Variants in CXXC5 observed in about 807,000 individuals in gnomAD.
CXXC5 encodes the protein CXXC-type zinc finger protein 5.
CXXC5 carries 2 observed loss-of-function variants against 17.6 expected under a neutral mutation model. The observed-to-expected ratio is 0.11, with a 90% CI of 0.05 to 0.36. CXXC5 has a LOEUF of 0.36. Ranked by LOEUF, CXXC5 falls within the 10% of genes least tolerant of loss-of-function variation. CXXC5 has a pLI of 1.00. For synonymous variants in CXXC5, 171 were observed against 193.0 expected (o/e 0.89, Z 0.94); for missense variants, 343 against 458.3 (o/e 0.75, Z 2.30).
intron 1 of CXXC5, among the ~76,000 whole-genome samples, chr5:139,669,776 G>C (rs1039445964): frequency 6.6e-6 from 1 of 152,088 alleles, no homozygotes; most frequent in East Asian, 1.9e-4. Context: ...CAGGCTCTGC[G>C]TGCTTCTCAC....
intron 1 of CXXC5, among the ~76,000 whole-genome samples, chr5:139,669,765 G>T (rs2126789961): frequency 6.6e-6 from 1 of 152,156 alleles, no homozygotes; most frequent in African/African-American, 2.4e-5. Flanking sequence ...ACACACAATG[G>T]CAGGCTCTGC....
chr5:139,673,400 G>C (rs535177977), intron 1 of CXXC5, among the ~76,000 whole-genome samples: 2 of 152,260 alleles, frequency 1.3e-5, no homozygotes, highest in East Asian at 3.9e-4. Flanking sequence ...GCCTATTGAG[G>C]AAAGGGCCTG....
intron 1 of CXXC5, among the ~76,000 whole-genome samples, chr5:139,660,024 G>C (rs980267574): frequency 1.3e-5 from 2 of 152,210 alleles, no homozygotes; most frequent in Admixed American, 6.5e-5. Flanking sequence ...GGGGCTGGGG[G>C]AAGCAGCCGG....
chr5:139,679,154 C>T (rs767163330), intron 1 of CXXC5, among the ~76,000 whole-genome samples: 41 of 152,248 alleles, frequency 2.7e-4, no homozygotes, highest in Non-Finnish European at 4.7e-4. Context: ...CTCCTGGCAA[C>T]AGCCCACCCC....
rs893441081 is a variant in CXXC5, at chr5:139,670,505, A to G, written c.-160-9859A>G. On this transcript the variant is annotated intron_variant, in intron 1 of 2. Coordinates refer to ENST00000302517, the MANE Select transcript of CXXC5 (RefSeq NM_016463.9). The surrounding 1 kb of genome is among the most constrained non-coding windows in gnomAD (Gnocchi z 4.2). ...GCAGCTGGCACCAGTTCCTGTCTAC[A>G]CCATCCCCGTCCCAGTAGGGCCCCA... Among the ~76,000 whole-genome samples, 31 of 152,134 alleles carry G rather than the reference A, an allele frequency of 2.0e-4. No individual in the cohort carries two copies. The highest frequency in any genetic ancestry group is 4.3e-4 in the Non-Finnish European group (29 of 68,032).
intron 1 of CXXC5, among the ~76,000 whole-genome samples, chr5:139,664,306 C>T (rs1003362822): frequency 2.6e-5 from 4 of 152,124 alleles, no homozygotes; most frequent in East Asian, 1.9e-4. Flanking sequence ...GAAGCTGCCT[C>T]GGGGCCTGGT....
At chr5:139,664,041 A>G (rs1755964037) in intron 1 of CXXC5, among the ~76,000 whole-genome samples, 1 of 152,066 alleles carries the variant, frequency 6.6e-6, no homozygotes, top group Non-Finnish European at 1.5e-5. Context: ...TACACACAAG[A>G]TGTGTAGTGT....
At chr5:139,673,852 A>AAG (rs572534074) in intron 1 of CXXC5, among the ~76,000 whole-genome samples, 1 of 67,604 alleles carries the variant, frequency 1.5e-5, no homozygotes, top group Admixed American at 1.3e-4. Flanking sequence ...AAAAAAAAAA[A>AAG]AAAGAGAGAG....
chr5:139,660,775 C>T (rs1287639062), intron 1 of CXXC5, among the ~76,000 whole-genome samples: 4 of 149,492 alleles, frequency 2.7e-5, no homozygotes, highest in Admixed American at 6.7e-5. Flanking sequence ...AGAGCCAGGG[C>T]GCCTCTGGGA....
rs1448012068 is a variant in CXXC5, at chr5:139,668,237, G to T, written c.-160-12127G>T. ...GGACAAACTTTGAAAGCCTCTAATT[G>T]CTGCGCCTGGTGGCACCGTGGAATG... On this transcript the variant is annotated intron_variant, in intron 1 of 2. Transcript: ENST00000302517. This position sits in a 1 kb window ranked among gnomAD's most constrained non-coding sequence, Gnocchi z 4.1. Among the ~76,000 whole-genome samples, 1 of 152,106 alleles carries T rather than the reference G, an allele frequency of 6.6e-6. No individual in the cohort carries two copies. Among genetic ancestry groups the T allele is most frequent in the Non-Finnish European group, 1.5e-5 (1 of 68,018 alleles).
At position 139,681,339 on chromosome 5, in the gene CXXC5, C is replaced by T. The variant is rs778054233; in HGVS notation, c.816C>T (p.Arg272=). Residue 272 remains arginine (R), a synonymous_variant, in exon 2 of 3, where the codon CGC becomes CGT. Coordinates refer to ENST00000302517, the MANE Select transcript of CXXC5 (RefSeq NM_016463.9). ...RCGMCAPCRR[R]INCEQCSSCR... ...GCATGTGCGCGCCCTGCCGGCGGCG[C>T]ATCAACTGCGAGCAGTGCAGCAGTT... 11 of 1,612,378 alleles carry T rather than the reference C, an allele frequency of 6.8e-6. No individual in the cohort carries two copies. The highest frequency in any genetic ancestry group is 1.3e-5 in the African/African-American group (1 of 74,942).
At position 139,661,829 on chromosome 5, in the gene CXXC5, GT is replaced by G. The variant is rs1561537059; in HGVS notation, c.-161+12990del. Among the ~76,000 whole-genome samples the G allele has an allele frequency of 6.6e-6, 1 of 152,374 alleles. No homozygotes were observed. The highest frequency in any genetic ancestry group is 6.5e-5 in the Admixed American group (1 of 15,308). ...AGGTGTGGGTGGGGAAGTGGAGATG[GT>G]TTTTTCCCATAGCCAACCTGGCTCT... On this transcript the variant is annotated intron_variant, in intron 1 of 2. Transcript: ENST00000302517. The surrounding 1 kb of genome is among the most constrained non-coding windows in gnomAD (Gnocchi z 4.7).
At chr5:139,654,196 C>A (rs1446261580) in intron 1 of CXXC5, among the ~76,000 whole-genome samples, 3 of 152,072 alleles carry the variant, frequency 2.0e-5, no homozygotes, top group Non-Finnish European at 2.9e-5. Flanking sequence ...TTGTTTTTGA[C>A]CTTTTCTGGG....
chr5:139,649,388 T>G (rs1462149384), intron 1 of CXXC5: 3 of 151,798 alleles, frequency 2.0e-5, no homozygotes, highest in Non-Finnish European at 2.9e-5. Context: ...TGTAGATCTC[T>G]GGCGCGCACT....
chr5:139,665,540 T>C (rs561770913), intron 1 of CXXC5: 11 of 152,448 alleles, frequency 7.2e-5, no homozygotes, highest in African/African-American at 2.6e-4. Flanking sequence ...CCCAGGGCTG[T>C]TATGGCCACC....
chr5:139,662,938 T>A (rs543571278), intron 1 of CXXC5, among the ~76,000 whole-genome samples: 1 of 152,358 alleles, frequency 6.6e-6, no homozygotes, highest in East Asian at 1.9e-4. Flanking sequence ...GTTCTCATTA[T>A]GTCACCTGGA....
rs199966118 is a variant in CXXC5 at position 139,680,817 on chromosome 5, C to T, written c.294C>T (p.Gly98=). 4.0e-5 allele frequency: 64 copies of T among 1,612,420 alleles called. No individual in the cohort carries two copies. The Admixed American group carries it at 6.8e-4, about 17-fold the overall frequency. The stretch of plus-strand genomic sequence containing the variant: ...GTAGTGGCGGTGGCAGCATGATGGG[C>T]GGAGAGTCTGCTGACAAGGCCACTG... ...SGGSGGGSMM[G]GESADKATAA... The change falls in exon 2 of 3, where the codon GGC becomes GGT. Residue 98 remains glycine, a synonymous_variant. Transcript: ENST00000302517.
chr5:139,680,634 G>C lies in CXXC5; in HGVS notation c.111G>C (p.Lys37Asn), dbSNP rs1193604892. The change falls in exon 2 of 3, where the codon AAG becomes AAC. Residue 37 changes from lysine (K) to asparagine (N), a missense_variant. Physicochemically the swap from Lys to Asn is moderately conservative, Grantham distance 94. Transcript: ENST00000302517. ...GCCCAAAGGCAGGAGCAGCAGACAA[G>C]AGTGCAGTGGTGGCTGCCGCCGCAC... ...SSGPKAGAAD[K>N]SAVVAAAAPA... The C allele has an allele frequency of 1.2e-5, 20 of 1,612,602 alleles. No homozygotes were observed. The Admixed American group carries it at 3.2e-4, about 26-fold the overall frequency.
rs1756429362 is a variant in CXXC5, at chr5:139,670,937, C to T, written c.-160-9427C>T. 6.6e-6 allele frequency among the ~76,000 whole-genome samples: 1 copy of T among 152,242 alleles called. No individual in the cohort carries two copies. The highest frequency in any genetic ancestry group is 2.4e-5 in the African/African-American group (1 of 41,464). ...TAGACACGCGAAAACACACTGTATG[C>T]ATTGCTCTCGTCACCATACACACTC... On this transcript the variant is annotated intron_variant, in intron 1 of 2. Coordinates refer to ENST00000302517, the MANE Select transcript of CXXC5 (RefSeq NM_016463.9). The surrounding 1 kb of genome is among the most constrained non-coding windows in gnomAD (Gnocchi z 4.2).
Sources: allele counts gnomAD v4.1 joint callset (sites outside exome capture counted in the v4.1 genomes callset), GRCh38; gene constraint gnomAD v4.1.1; non-coding constraint Gnocchi (gnomAD v3.1); transcripts MANE v1.5; gene names NCBI Gene and HGNC (gene_info 2026-07-23, HGNC 2026-07-21).